The following NECTIN2 variants were observed in gnomAD, a reference collection of about 807,000 sequenced individuals.
NECTIN2 encodes nectin-2.
In NECTIN2, 23 loss-of-function variants were observed where a neutral mutation model predicts 56.9. The observed-to-expected ratio is 0.40, with a 90% CI of 0.29 to 0.57. The LOEUF is 0.57. Among genes scored for constraint, NECTIN2 ranks in the 20% least tolerant of loss-of-function variants. NECTIN2 has a pLI of 0.38. For missense variants in NECTIN2, 587 were observed against 718.3 expected, an observed-to-expected ratio of 0.82 and a Z score of 2.09; for synonymous variants, 302 against 313.8, an observed-to-expected ratio of 0.96 and a Z score of 0.40.
chr19:44,868,214 T>A (rs1969125345), intron 2 of NECTIN2, among the ~76,000 whole-genome samples: 1 of 150,114 alleles, frequency 6.7e-6, no homozygotes, highest in Admixed American at 6.6e-5. Flanking sequence ...AAAAAAAAAA[T>A]TAGCTGGGCA....
intron 1 of NECTIN2, among the ~76,000 whole-genome samples, chr19:44,862,829 A>G (rs1206663907): frequency 1.3e-5 from 2 of 151,904 alleles, no homozygotes; most frequent in Non-Finnish European, 2.9e-5. Flanking sequence ...CCTGGCCAAC[A>G]TAGTGAAAAC....
chr19:44,878,701 T>C, intron 5 of NECTIN2: 1 of 1,503,322 alleles, frequency 6.7e-7, no homozygotes, highest in Non-Finnish European at 8.8e-7. Flanking sequence ...TCCAGACTGG[T>C]TGGACTTGTT....
chr19:44,847,962 A>T (rs1293792184), intron 1 of NECTIN2, among the ~76,000 whole-genome samples: 1 of 152,114 alleles, frequency 6.6e-6, no homozygotes, highest in East Asian at 1.9e-4. Context: ...AACCCTTGAA[A>T]GAGGCGCTGG....
At position 44,886,184 on chromosome 19, in the gene NECTIN2, C is replaced by T. The variant is rs1969359382; in HGVS notation, c.1312C>T (p.Pro438Ser). Residue 438 changes from proline to serine, a missense_variant, in exon 8 of 9, where the codon CCC (proline) becomes TCC (serine). Pro to Ser is a moderately conservative substitution (Grantham distance 74). Coordinates refer to ENST00000252483, the MANE Select transcript of NECTIN2 (RefSeq NM_001042724.2). The part of the protein sequence containing the change: ...GASEHSPLKT[P>S]YFDAGASCTE... Reference sequence around the variant, plus strand: ...CTCGGAGCACAGCCCACTCAAGACCCCCTACTTTGATGCTGGCGCCTCATG... The same window carrying T: ...CTCGGAGCACAGCCCACTCAAGACCTCCTACTTTGATGCTGGCGCCTCATG... 1 of 1,612,690 alleles carries T rather than the reference C, an allele frequency of 6.2e-7. No homozygotes were observed. Among genetic ancestry groups the T allele is most frequent in the Non-Finnish European group, 8.5e-7 (1 of 1,179,902 alleles).
rs1039792386 is a variant in NECTIN2 at position 44,868,207 on chromosome 19, A to G, written c.478+2547A>G. On this transcript the variant is annotated intron_variant, in intron 2 of 8. Transcript: ENST00000252483. ...GTGAGGCCCCATCTCTACAAGAAAA[A>G]AAAAAATTAGCTGGGCATGGTAGCA... Among the ~76,000 whole-genome samples the G allele has an allele frequency of 3.3e-5, 5 of 151,790 alleles. No individual in the cohort carries two copies. In the East Asian group the frequency reaches 7.8e-4, roughly 24 times the overall value.
chr19:44,874,190 C>A lies in NECTIN2; in HGVS notation c.894-140C>A. On this transcript the variant is annotated intron_variant, in intron 4 of 8. Transcript: ENST00000252483. This position sits in a 1 kb window ranked among gnomAD's most constrained non-coding sequence, Gnocchi z 6.3. The stretch of plus-strand genomic sequence containing the variant: ...CCTAAGTCCTCCAGGATGAAGGGAG[C>A]TTGCATTTTGGCAATTTGGGGTCTC... The A allele has an allele frequency of 7.8e-7, 1 of 1,274,154 alleles. No homozygotes were observed. Among genetic ancestry groups the A allele is most frequent in the Non-Finnish European group, 1.1e-6 (1 of 905,264 alleles). 78.9% of individuals were successfully genotyped at this position (1,274,154 alleles called of 1,614,324 possible).
chr19:44,869,771 G>C (rs547169747), intron 2 of NECTIN2, among the ~76,000 whole-genome samples: 2 of 151,866 alleles, frequency 1.3e-5, no homozygotes, highest in East Asian at 1.9e-4. Context: ...GTTTCTTGGA[G>C]AGAGGGTCTC....
intron 1 of NECTIN2, among the ~76,000 whole-genome samples, chr19:44,849,041 A>C (rs562647292): frequency 1.6e-3 from 239 of 152,054 alleles, no homozygotes; most frequent in African/African-American, 5.3e-3. Flanking sequence ...GGGAAGGGGG[A>C]CTGGGCAGAG....
Position 44,874,641 on chromosome 19 carries a change from C to A in NECTIN2, c.1042+163C>A. 1.2e-6 allele frequency: 1 copy of A among 849,174 alleles called. No homozygotes were observed. The highest frequency in any genetic ancestry group is 1.8e-6 in the Non-Finnish European group (1 of 551,640). The allele number at this position is 849,174 out of a possible 1,614,324, so 52.6% of individuals were successfully genotyped here. On this transcript the variant is annotated intron_variant, in intron 5 of 8. Transcript: ENST00000252483. The surrounding 1 kb of genome is among the most constrained non-coding windows in gnomAD (Gnocchi z 6.3). Reference sequence around the variant, plus strand: ...ATGAGGGTTGGCCTTCCCCTCGTGGCCTCAGACTGGGGTCTGGATTTGGGG... The same window carrying A: ...ATGAGGGTTGGCCTTCCCCTCGTGGACTCAGACTGGGGTCTGGATTTGGGG...
intron 6 of NECTIN2, 25 bp downstream of exon 6, chr19:44,882,389 G>A (rs745920504): frequency 7.3e-7 from 1 of 1,372,188 alleles, no homozygotes; most frequent in Non-Finnish European, 9.5e-7. Context: ...CTGAGACGGG[G>A]ATGGGAGAGG....
chr19:44,874,716 G>C lies in NECTIN2; in HGVS notation c.1042+238G>C. On this transcript the variant is annotated intron_variant, in intron 5 of 8. Transcript: ENST00000252483. This position sits in a 1 kb window ranked among gnomAD's most constrained non-coding sequence, Gnocchi z 6.3. The stretch of plus-strand genomic sequence containing the variant: ...AGTTGGGGGGTTGAGGACTTTGCTC[G>C]GGGTTCCTAGAAAGTAGAGGCCTGG... 1.9e-6 allele frequency: 1 copy of C among 524,594 alleles called. No individual in the cohort carries two copies. Among genetic ancestry groups the C allele is most frequent in the Admixed American group, 3.2e-5 (1 of 31,562 alleles). The allele number at this position is 524,594 out of a possible 1,614,324, so 32.5% of individuals were successfully genotyped here.
At chr19:44,883,318 T>C (rs576763760) in intron 6 of NECTIN2, among the ~76,000 whole-genome samples, 77 of 151,930 alleles carry the variant, frequency 5.1e-4, no homozygotes, top group Non-Finnish European at 9.6e-4. Flanking sequence ...TCTGTCGCCC[T>C]GGCTGGAGTG....
chr19:44,856,912 T>C (rs576019591), intron 1 of NECTIN2, among the ~76,000 whole-genome samples: 2 of 152,322 alleles, frequency 1.3e-5, no homozygotes, highest in African/African-American at 4.8e-5. Flanking sequence ...CAGTCAGATC[T>C]GGCCTGCAGC....
Position 44,856,862 on chromosome 19 carries a change from A to G in NECTIN2, c.89-8409A>G, listed in dbSNP as rs550403439. Reference sequence around the variant, plus strand: ...CTTCTGTGTGGGCTGCTACTTCCCAACTGAAATAACACTCTGTGGGCCAAA... The same window carrying G: ...CTTCTGTGTGGGCTGCTACTTCCCAGCTGAAATAACACTCTGTGGGCCAAA... On this transcript the variant is annotated intron_variant, in intron 1 of 8. Coordinates refer to ENST00000252483, the MANE Select transcript of NECTIN2 (RefSeq NM_001042724.2). Among the ~76,000 whole-genome samples the G allele has an allele frequency of 1.5e-3, 229 of 152,198 alleles. 1 individual carries two copies. The highest frequency in any genetic ancestry group is 5.2e-3 in the African/African-American group (217 of 41,520).
At chr19:44,849,892 T>C (rs997548019) in intron 1 of NECTIN2, among the ~76,000 whole-genome samples, 4 of 152,190 alleles carry the variant, frequency 2.6e-5, no homozygotes, top group Non-Finnish European at 5.9e-5. Flanking sequence ...GATGGATGGC[T>C]AACTCTGAAT....
Position 44,882,347 on chromosome 19 carries a change from G to T in NECTIN2, c.1179G>T (p.Gly393=). The part of the protein sequence containing the change: ...RQQRKEQTLQ[G]AEEDEDLEGP... ...AGCGGAAGGAGCAGACGCTGCAGGG[G>T]GCAGAGGAGGACGAAGAGTAAGTGA... Residue 393 remains glycine (G), a synonymous_variant, in exon 6 of 9, where the codon GGG becomes GGT. Transcript: ENST00000252483. 2 of 1,473,846 alleles carry T rather than the reference G, an allele frequency of 1.4e-6. No homozygotes were observed. The highest frequency in any genetic ancestry group is 1.4e-5 in the African/African-American group (1 of 70,292). 91.3% of individuals were successfully genotyped at this position (1,473,846 alleles called of 1,614,324 possible). A position where few individuals can be genotyped will look rare whatever the true frequency, so the allele number is the denominator to read the frequency against.
At chr19:44,861,737 A>C (rs888474706) in intron 1 of NECTIN2, among the ~76,000 whole-genome samples, 5 of 152,232 alleles carry the variant, frequency 3.3e-5, no homozygotes, top group African/African-American at 1.2e-4. Flanking sequence ...CAGCCAACAA[A>C]CATGAAAAAA....
chr19:44,846,378 A>G lies in NECTIN2; in HGVS notation c.-148A>G. On this transcript the variant is annotated 5_prime_UTR_variant, in exon 1 of 9. Transcript: ENST00000252483. ...CGGGCGGGGAGAGCTGGGCCGGGAG[A>G]GCAGAACAGGGAGGCTAGAGCGCAG... 1 of 1,011,802 alleles carries G rather than the reference A, an allele frequency of 9.9e-7. No individual in the cohort carries two copies. Among genetic ancestry groups the G allele is most frequent in the Non-Finnish European group, 1.3e-6 (1 of 755,102 alleles). The allele number at this position is 1,011,802 out of a possible 1,614,324, so 62.7% of individuals were successfully genotyped here.
In NECTIN2 at chr19:44,871,972, C is replaced by A. The variant is rs1336463102; in HGVS notation, c.598C>A (p.Leu200Met). The A allele has an allele frequency of 6.2e-7, 1 of 1,614,054 alleles. No individual in the cohort carries two copies. The highest frequency in any genetic ancestry group is 2.2e-5 in the East Asian group (1 of 44,888). Reference protein sequence around the residue: ...PPARISWLSSLDWEAKETQVS... With the variant: ...PPARISWLSSMDWEAKETQVS... Reference sequence around the variant, plus strand: ...TGCCCGGATCTCCTGGCTCTCATCCCTGGACTGGGAAGCCAAAGAGACTCA... The same window carrying A: ...TGCCCGGATCTCCTGGCTCTCATCCATGGACTGGGAAGCCAAAGAGACTCA... Residue 200 changes from leucine (L) to methionine (M), a missense_variant, in exon 3 of 9, where the codon CTG becomes ATG. By Grantham distance (15) the Leu-to-Met change is conservative (BLOSUM62 2). Transcript: ENST00000252483.
Sources: gnomAD v4.1 joint callset for allele counts (sites outside exome capture counted in the v4.1 genomes callset) on GRCh38, gnomAD v4.1.1 for gene constraint, Gnocchi (gnomAD v3.1) non-coding constraint, MANE v1.5 for transcripts, NCBI Gene and HGNC (gene_info 2026-07-23, HGNC 2026-07-21) for gene names.